CDK13: variants seen among roughly 807,000 people sequenced by gnomAD.
The protein encoded by CDK13 is cyclin-dependent kinase 13.
Under a neutral mutation model 137.6 loss-of-function variants are expected in CDK13, and 40 were observed. The observed-to-expected ratio is 0.29, with a 90% CI of 0.23 to 0.38. The LOEUF (loss-of-function observed/expected upper bound fraction) is 0.38. Among genes scored for constraint, CDK13 ranks in the 10% least tolerant of loss-of-function variants. The pLI is 1.00. For missense variants in CDK13, 1,704 were observed against 1,951.8 expected (o/e 0.87, Z 2.39); for synonymous variants, 869 against 760.1 (o/e 1.14, Z -2.36).
chr7:40,019,541 T>TCA (rs1421428309), intron 5 of CDK13, among the ~76,000 whole-genome samples: 1 of 152,170 alleles, frequency 6.6e-6, no homozygotes, highest in Non-Finnish European at 1.5e-5. Context: ...TTCTTTTCTT[T>TCA]CAAGGCCTCA....
intron 1 of CDK13, among the ~76,000 whole-genome samples, chr7:39,961,978 A>G (rs1783752500): frequency 6.6e-6 from 1 of 152,164 alleles, no homozygotes; most frequent in African/African-American, 2.4e-5. Context: ...ATCATTTTTT[A>G]TGGCTGCATA....
intron 2 of CDK13, among the ~76,000 whole-genome samples, chr7:39,996,773 G>A (rs552732121): frequency 3.9e-4 from 59 of 152,004 alleles, no homozygotes; most frequent in Non-Finnish European, 7.5e-4. Flanking sequence ...GACCAGCCTG[G>A]CCAACATGGT....
At chr7:40,007,449 C>T (rs148222845) in intron 5 of CDK13, among the ~76,000 whole-genome samples, 10 of 152,244 alleles carry the variant, frequency 6.6e-5, no homozygotes, top group African/African-American at 1.9e-4. Flanking sequence ...TGTTTTGAGA[C>T]GGAGTCTCGC....
chr7:39,957,309 CCTG>C (rs201765947), intron 1 of CDK13, among the ~76,000 whole-genome samples: 4 of 151,576 alleles, frequency 2.6e-5, no homozygotes, highest in African/African-American at 2.4e-5. Flanking sequence ...AGTTTTTTTT[CCTG>C]TGCCCCCACA....
At chr7:40,080,518 C>A (rs1445167700) in intron 11 of CDK13, among the ~76,000 whole-genome samples, 1 of 151,968 alleles carries the variant, frequency 6.6e-6, no homozygotes, top group Non-Finnish European at 1.5e-5. Context: ...ACATGGTTGG[C>A]CTTTATGGGA....
chr7:39,980,091 T>G (rs1178324683), intron 1 of CDK13, among the ~76,000 whole-genome samples: 1 of 152,218 alleles, frequency 6.6e-6, no homozygotes, highest in Non-Finnish European at 1.5e-5. Context: ...GCTGACTTTG[T>G]GGAGTTTTCT....
intron 5 of CDK13, among the ~76,000 whole-genome samples, chr7:40,012,888 G>A (rs1444491190): frequency 6.6e-6 from 1 of 150,600 alleles, no homozygotes; most frequent in African/African-American, 2.5e-5. Flanking sequence ...CTCCAGCCTG[G>A]GCGACCAAGT....
At chr7:40,008,614 A>C (rs1458978406) in intron 5 of CDK13, among the ~76,000 whole-genome samples, 1 of 152,234 alleles carries the variant, frequency 6.6e-6, no homozygotes, top group Non-Finnish European at 1.5e-5. Context: ...CTCACTGTGG[A>C]ACCTACCCAA....
chr7:39,955,645 A>G (rs1188146277), intron 1 of CDK13, among the ~76,000 whole-genome samples: 2 of 152,164 alleles, frequency 1.3e-5, no homozygotes, highest in African/African-American at 2.4e-5. Flanking sequence ...ATTTTAAAAG[A>G]TGAATCTTCT....
intron 9 of CDK13, chr7:40,073,576 TTTTC>T (rs969112681): frequency 4.8e-5 from 7 of 146,812 alleles, no homozygotes; most frequent in African/African-American, 1.7e-4. Context: ...TTTTCTTTCT[TTTTC>T]TTTTTCTTTC....
intron 1 of CDK13, among the ~76,000 whole-genome samples, chr7:39,980,681 A>G (rs6965022): frequency 0.14 from 21,712 of 152,190 alleles, 5,123 homozygotes; most frequent in African/African-American, 0.49. Flanking sequence ...AGTTCCATTG[A>G]GTGATGCTGC....
At chr7:40,007,220 G>A (rs1784811791) in intron 5 of CDK13, among the ~76,000 whole-genome samples, 1 of 152,192 alleles carries the variant, frequency 6.6e-6, no homozygotes, top group Non-Finnish European at 1.5e-5. Flanking sequence ...GCACTCTAGT[G>A]TGGAATTTTC....
intron 1 of CDK13, among the ~76,000 whole-genome samples, chr7:39,967,626 G>A (rs992808788): frequency 7.9e-5 from 12 of 152,158 alleles, no homozygotes; most frequent in Non-Finnish European, 1.6e-4. Context: ...GTGGGATCAT[G>A]TGGTAATCTT....
At chr7:39,992,257 G>C (rs1037894894) in intron 2 of CDK13, among the ~76,000 whole-genome samples, 1 of 151,764 alleles carries the variant, frequency 6.6e-6, no homozygotes, top group Non-Finnish European at 1.5e-5. Flanking sequence ...GAATGCAGTG[G>C]CGCCATCTAG....
intron 2 of CDK13, among the ~76,000 whole-genome samples, chr7:39,993,770 TTAA>T (rs1784509559): frequency 6.6e-6 from 1 of 152,098 alleles, no homozygotes; most frequent in Admixed American, 6.6e-5. Flanking sequence ...TCCTTATATA[TTAA>T]TATTTTGTGT....
rs186800505 is a variant in CDK13 at position 40,066,042 on chromosome 7, A to C, written c.2780+2942A>C. Among the ~76,000 whole-genome samples the C allele has an allele frequency of 2.4e-4, 37 of 152,174 alleles. No homozygotes were observed. In the East Asian group the frequency reaches 6.8e-3, roughly 28 times the overall value. ...TCTACAAATTAAAACAAACAAACAA[A>C]AACAACAACAACAAATTAGCTAGTC... On this transcript the variant is annotated intron_variant, in intron 9 of 13. Transcript: ENST00000181839.
chr7:40,090,038 T>TA (rs1786887517), intron 12 of CDK13, among the ~76,000 whole-genome samples: 1 of 152,206 alleles, frequency 6.6e-6, no homozygotes, highest in East Asian at 1.9e-4. Flanking sequence ...AAAGTATTCT[T>TA]TCTTGAAATA....
At chr7:40,085,168 C>T (rs1786760633) in intron 11 of CDK13, among the ~76,000 whole-genome samples, 1 of 152,128 alleles carries the variant, frequency 6.6e-6, no homozygotes, top group Non-Finnish European at 1.5e-5. Flanking sequence ...CAAGACCAGC[C>T]TGGTCAACAT....
At chr7:40,003,650 C>T (rs1475587403) in intron 5 of CDK13, among the ~76,000 whole-genome samples, 2 of 152,118 alleles carry the variant, frequency 1.3e-5, no homozygotes, top group African/African-American at 4.8e-5. Context: ...TTTGCATTAA[C>T]CTCAGGCTCT....
Sources: gnomAD v4.1 joint callset for allele counts (sites outside exome capture counted in the v4.1 genomes callset) on GRCh38, gnomAD v4.1.1 for gene constraint, MANE v1.5 for transcripts, NCBI Gene and HGNC (gene_info 2026-07-23, HGNC 2026-07-21) for gene names.